POLN: variants seen among roughly 807,000 people sequenced by gnomAD.
POLN encodes DNA polymerase nu.
A neutral mutation model predicts 113.5 loss-of-function variants in POLN; 108 were observed. That is an observed-to-expected ratio of 0.95 (90% confidence interval 0.81 to 1.12). POLN has a LOEUF of 1.12. POLN is among the 50% of genes most tolerant of loss of function. The pLI is 0.00. For synonymous variants in POLN, 386 were observed against 391.5 expected (o/e 0.99, Z 0.17); for missense variants, 1,097 against 1,077.1 (o/e 1.02, Z -0.26).
At chr4:2,179,912 C>G (rs1002859527) in intron 7 of POLN, among the ~76,000 whole-genome samples, 1 of 152,214 alleles carries the variant, frequency 6.6e-6, no homozygotes, top group African/African-American at 2.4e-5. Flanking sequence ...AGTCTGGAAT[C>G]CAAGCCTCTC....
At chr4:2,186,858 GA>G (rs1218626815) in intron 7 of POLN, among the ~76,000 whole-genome samples, 3 of 152,146 alleles carry the variant, frequency 2.0e-5, no homozygotes, top group Admixed American at 2.0e-4. Context: ...GAAACTCAGT[GA>G]TCTCTAAAAT....
chr4:2,187,276 C>T (rs1030626373), intron 7 of POLN, among the ~76,000 whole-genome samples: 8 of 152,142 alleles, frequency 5.3e-5, no homozygotes, highest in African/African-American at 1.9e-4. Context: ...TGGAGTCTTG[C>T]TCTGTTGCTC....
chr4:2,099,606 T>C (rs1344477315), intron 19 of POLN, among the ~76,000 whole-genome samples: 8 of 152,150 alleles, frequency 5.3e-5, no homozygotes, highest in Admixed American at 5.2e-4. Context: ...CAGTGTGGTG[T>C]CATGGAGGGG....
chr4:2,157,722 CAAAAAAAA>C (rs71644319), intron 15 of POLN, 128 bp downstream of exon 15: 713 of 134,602 alleles, frequency 5.3e-3, no homozygotes, highest in Middle Eastern at 7.5e-3. Context: ...GACTCTGTCT[CAAAAAAAA>C]AAAAAAAAAA....
rs984434396 is a variant in POLN, at chr4:2,170,851, T to A, written c.1459-77A>T. On this transcript the variant is annotated intron_variant, in intron 12 of 25. Transcript: ENST00000511885. ...CAGAACATTACTATAGCAGAGCCCA[T>A]GCCAACAGCCAGAGAAGACACACCC... 26 of 1,309,210 alleles carry A rather than the reference T, an allele frequency of 2.0e-5. No individual in the cohort carries two copies. In the African/African-American group the frequency reaches 3.7e-4, roughly 18 times the overall value. The allele number at this position is 1,309,210 out of a possible 1,614,324, so 81.1% of individuals were successfully genotyped here. A position where few individuals can be genotyped will look rare whatever the true frequency, so the allele number is the denominator to read the frequency against.
intron 17 of POLN, among the ~76,000 whole-genome samples, chr4:2,130,260 A>AAGGAGG (rs1731689791): frequency 7.3e-6 from 1 of 136,734 alleles, no homozygotes; most frequent in Non-Finnish European, 1.6e-5. Context: ...AAGAAAACAG[A>AAGGAGG]AGAGGAGAGG....
At chr4:2,188,457 C>A (rs1453077405) in intron 7 of POLN, among the ~76,000 whole-genome samples, 1 of 151,946 alleles carries the variant, frequency 6.6e-6, no homozygotes, top group African/African-American at 2.4e-5. Flanking sequence ...AAAAATTAGC[C>A]GGGCCTGGTG....
intron 19 of POLN, among the ~76,000 whole-genome samples, chr4:2,108,772 C>A (rs1024551148): frequency 7.9e-5 from 12 of 151,990 alleles, no homozygotes; most frequent in African/African-American, 2.9e-4. Flanking sequence ...CCAGACAGTG[C>A]CAGAAGTTTG....
intron 3 of POLN, among the ~76,000 whole-genome samples, chr4:2,214,695 A>G (rs1734069865): frequency 6.6e-6 from 1 of 152,140 alleles, no homozygotes; most frequent in Admixed American, 6.5e-5. Flanking sequence ...AACTGTCAAG[A>G]CTTATTAAAA....
intron 16 of POLN, among the ~76,000 whole-genome samples, chr4:2,153,146 C>A (rs564655246): frequency 6.6e-6 from 1 of 152,176 alleles, no homozygotes; most frequent in Non-Finnish European, 1.5e-5. Flanking sequence ...CAGGGATCTC[C>A]ACAAGCTGTT....
At chr4:2,125,919 T>C (rs1731567447) in intron 19 of POLN, among the ~76,000 whole-genome samples, 1 of 151,756 alleles carries the variant, frequency 6.6e-6, no homozygotes, top group Non-Finnish European at 1.5e-5. Context: ...CATTGAGAGG[T>C]GGAGAGCTTG....
chr4:2,143,316 G>A (rs1400039833), intron 16 of POLN, among the ~76,000 whole-genome samples: 1 of 151,934 alleles, frequency 6.6e-6, no homozygotes, highest in African/African-American at 2.4e-5. Context: ...GATTGACAAA[G>A]AAAAAACAGA....
chr4:2,087,171 G>C lies in POLN; in HGVS notation c.2066-1427C>G, dbSNP rs182545377. On this transcript the variant is annotated intron_variant, in intron 20 of 25. Coordinates refer to ENST00000511885, the MANE Select transcript of POLN (RefSeq NM_181808.4). ...AAAGTCATAGTCCTTCTATGCCCAGGACTGCCTGATGAACTGGCACCATTT... is the reference window on the plus strand; with the variant it reads ...AAAGTCATAGTCCTTCTATGCCCAGCACTGCCTGATGAACTGGCACCATTT... Among the ~76,000 whole-genome samples the C allele has an allele frequency of 1.9e-4, 29 of 152,300 alleles. 1 individual carries two copies. Among genetic ancestry groups the C allele is most frequent in the African/African-American group, 6.7e-4 (28 of 41,542 alleles).
chr4:2,224,037 CT>C (rs1411136612), intron 3 of POLN, among the ~76,000 whole-genome samples: 1 of 152,170 alleles, frequency 6.6e-6, no homozygotes, highest in Non-Finnish European at 1.5e-5. Context: ...ATTTTTTAAA[CT>C]TTTGAACTCT....
At chr4:2,239,872 T>C (rs1734907627) in intron 2 of POLN, among the ~76,000 whole-genome samples, 1 of 152,374 alleles carries the variant, frequency 6.6e-6, no homozygotes, top group Non-Finnish European at 1.5e-5. Context: ...CGTATGGAAC[T>C]ATTTGTATGA....
intron 16 of POLN, among the ~76,000 whole-genome samples, chr4:2,136,530 TA>T (rs1329671849): frequency 6.6e-6 from 1 of 152,212 alleles, no homozygotes. Context: ...AGAACTGATC[TA>T]AAAAAATTGA....
At chr4:2,077,822 A>G (rs908872074) in intron 23 of POLN, among the ~76,000 whole-genome samples, 1 of 152,194 alleles carries the variant, frequency 6.6e-6, no homozygotes, top group Non-Finnish European at 1.5e-5. Flanking sequence ...TAACTGGGAA[A>G]TGGGGCACAG....
intron 2 of POLN, among the ~76,000 whole-genome samples, chr4:2,237,355 G>C (rs1480877798): frequency 1.3e-5 from 2 of 149,040 alleles, no homozygotes; most frequent in African/African-American, 2.5e-5. Context: ...AGGATCACTT[G>C]AGCCCAGGAG....
rs542784093 is a variant in POLN, at chr4:2,123,752, C to A, written c.1982+4361G>T. ...CCTGGGAGGCAGAGGTTGCAGTGAG[C>A]CAAGATCGTGCCTCTGCTCTCCAGC... On this transcript the variant is annotated intron_variant, in intron 19 of 25. Coordinates refer to ENST00000511885, the MANE Select transcript of POLN (RefSeq NM_181808.4). 6.4e-4 allele frequency among the ~76,000 whole-genome samples: 94 copies of A among 147,780 alleles called. 1 individual carries two copies. In the Middle Eastern group the frequency reaches 0.014, roughly 22 times the overall value.
Sources: allele counts gnomAD v4.1 joint callset (sites outside exome capture counted in the v4.1 genomes callset), GRCh38; gene constraint gnomAD v4.1.1; transcripts MANE v1.5; gene names NCBI Gene and HGNC (gene_info 2026-07-23, HGNC 2026-07-21).